Variants in PCSK5 observed in about 807,000 individuals in gnomAD.
PCSK5 encodes the protein proprotein convertase subtilisin/kexin type 5.
A neutral mutation model predicts 233.2 loss-of-function variants in PCSK5; 129 were observed. That is an observed-to-expected ratio of 0.55 (90% CI 0.48 to 0.64). The LOEUF is 0.64. PCSK5 is among the 30% of genes least tolerant of loss of function. The pLI is 0.00. For missense variants in PCSK5, 2,076 were observed against 2,430.1 expected (o/e 0.85, Z 3.06); for synonymous variants, 825 against 879.2 (o/e 0.94, Z 1.09).
intron 7 of PCSK5, 69 bp from the exon 8 acceptor site, chr9:76,095,821 C>T (rs904419845): frequency 1.7e-5 from 24 of 1,394,840 alleles, no homozygotes; most frequent in Non-Finnish European, 2.2e-5. Context: ...CAGTTTGGCT[C>T]AGTGGATTCT....
At chr9:76,314,070 C>G (rs937363041) in intron 30 of PCSK5, among the ~76,000 whole-genome samples, 31 of 152,340 alleles carry the variant, frequency 2.0e-4, no homozygotes, top group African/African-American at 7.5e-4. Flanking sequence ...TTTCAACTCT[C>G]TCTTGGATTC....
chr9:76,252,185 G>T (rs931900299), intron 24 of PCSK5, among the ~76,000 whole-genome samples: 1 of 152,110 alleles, frequency 6.6e-6, no homozygotes, highest in African/African-American at 2.4e-5. Context: ...GGAGAAAGGC[G>T]TGAACCTGGG....
At chr9:76,261,139 C>A (rs1037867911) in intron 24 of PCSK5, among the ~76,000 whole-genome samples, 4 of 152,052 alleles carry the variant, frequency 2.6e-5, no homozygotes, top group Non-Finnish European at 5.9e-5. Context: ...ATTAACAACA[C>A]TAAAGAGGTA....
intron 21 of PCSK5, among the ~76,000 whole-genome samples, chr9:76,229,735 T>C (rs891113228): frequency 2.6e-5 from 4 of 152,252 alleles, no homozygotes; most frequent in African/African-American, 9.6e-5. Flanking sequence ...ATGCTGTCTC[T>C]TTCATTACAG....
intron 1 of PCSK5, among the ~76,000 whole-genome samples, chr9:75,908,820 A>G (rs1822527895): frequency 6.6e-6 from 1 of 151,458 alleles, no homozygotes; most frequent in Admixed American, 6.6e-5. Flanking sequence ...CATGCCATCT[A>G]TCTATCTATC....
intron 24 of PCSK5, among the ~76,000 whole-genome samples, chr9:76,271,861 C>A (rs2131374084): frequency 6.6e-6 from 1 of 152,222 alleles, no homozygotes; most frequent in East Asian, 1.9e-4. Context: ...CTTTATCTTG[C>A]AGCTGCATAA....
chr9:76,295,370 A>G lies in PCSK5; in HGVS notation c.3281A>G (p.Gln1094Arg). Residue 1094 changes from glutamine (Q) to arginine (R), a missense_variant, in exon 26 of 38, where the codon CAG becomes CGG. Physicochemically the swap from Gln to Arg is conservative, Grantham distance 43. Around this residue, in one of 6 missense-constraint regions of PCSK5, gnomAD observed 1,510 missense variants for 1,538.1 expected, o/e 0.98. Coordinates refer to ENST00000674117, the MANE Select transcript of PCSK5 (RefSeq NM_001372043.1). Reference protein sequence around the residue: ...ACDSNCGSCDQNGCYWCEEGF... With the variant: ...ACDSNCGSCDRNGCYWCEEGF... ...GATAGTAACTGTGGCAGCTGTGACC[A>G]GAATGGGTGTTACTGGTGTGAAGAG... 6.2e-7 allele frequency: 1 copy of G among 1,612,558 alleles called. No individual in the cohort carries two copies. Among genetic ancestry groups the G allele is most frequent in the South Asian group, 1.1e-5 (1 of 91,050 alleles).
At chr9:76,151,295 A>G (rs1012072522) in intron 10 of PCSK5, among the ~76,000 whole-genome samples, 1 of 152,200 alleles carries the variant, frequency 6.6e-6, no homozygotes, top group Admixed American at 6.5e-5. Context: ...CCCACAGATC[A>G]AGCAGCCCTC....
intron 12 of PCSK5, 64 bp from the exon 13 acceptor site, chr9:76,169,640 G>T: frequency 6.6e-7 from 1 of 1,506,842 alleles, no homozygotes. Flanking sequence ...TGTCGATTGT[G>T]GTATTAACTA....
At chr9:75,936,050 T>A (rs1824041587) in intron 2 of PCSK5, among the ~76,000 whole-genome samples, 1 of 152,244 alleles carries the variant, frequency 6.6e-6, no homozygotes, top group Non-Finnish European at 1.5e-5. Flanking sequence ...ATAAAAGTTA[T>A]GTTCATACTA....
intron 12 of PCSK5, among the ~76,000 whole-genome samples, chr9:76,168,857 G>A (rs1276208277): frequency 6.6e-6 from 1 of 152,032 alleles, no homozygotes; most frequent in African/African-American, 2.4e-5. Flanking sequence ...AATTCCCCAT[G>A]CCTCTTTTCC....
At chr9:75,999,333 C>T (rs1827167258) in intron 3 of PCSK5, among the ~76,000 whole-genome samples, 1 of 151,774 alleles carries the variant, frequency 6.6e-6, no homozygotes, top group Non-Finnish European at 1.5e-5. Context: ...GAATTAAAGA[C>T]ACACACACAC....
intron 3 of PCSK5, among the ~76,000 whole-genome samples, chr9:76,019,260 CT>C (rs34354774): frequency 1.5e-4 from 22 of 149,142 alleles, no homozygotes; most frequent in South Asian, 4.2e-4. Flanking sequence ...AATATCAATT[CT>C]TTTTTTTTTT....
At chr9:76,016,183 A>G (rs1235764052) in intron 3 of PCSK5, among the ~76,000 whole-genome samples, 1 of 152,216 alleles carries the variant, frequency 6.6e-6, no homozygotes, top group Non-Finnish European at 1.5e-5. Flanking sequence ...CCAGAGGGCA[A>G]GTGGGGGATG....
intron 24 of PCSK5, among the ~76,000 whole-genome samples, chr9:76,271,146 T>TA (rs1358949513): frequency 6.6e-6 from 1 of 151,870 alleles, no homozygotes; most frequent in African/African-American, 2.4e-5. Context: ...TTCGTTGAAA[T>TA]AAAAAGGTAA....
intron 5 of PCSK5, among the ~76,000 whole-genome samples, chr9:76,053,560 C>T (rs528993742): frequency 3.3e-5 from 5 of 152,274 alleles, no homozygotes; most frequent in African/African-American, 4.8e-5. Context: ...ATCTCTCTCA[C>T]GTTCAAATTT....
intron 30 of PCSK5, among the ~76,000 whole-genome samples, chr9:76,316,478 C>T (rs1012524548): frequency 6.6e-6 from 1 of 151,752 alleles, no homozygotes; most frequent in Non-Finnish European, 1.5e-5. Flanking sequence ...AATCCCAGCA[C>T]TTTGGGATGC....
intron 2 of PCSK5, among the ~76,000 whole-genome samples, chr9:75,942,549 G>A (rs1050824233): frequency 1.3e-5 from 2 of 152,142 alleles, no homozygotes; most frequent in Non-Finnish European, 2.9e-5. Flanking sequence ...AAACATAACA[G>A]GCTCAGGTCT....
chr9:76,145,436 C>T (rs915150528), intron 10 of PCSK5, among the ~76,000 whole-genome samples: 1 of 152,100 alleles, frequency 6.6e-6, no homozygotes, highest in Admixed American at 6.6e-5. Context: ...TGAAGTCTTC[C>T]ATGATTATCG....
Sources: allele counts gnomAD v4.1 joint callset (sites outside exome capture counted in the v4.1 genomes callset), GRCh38; gene constraint gnomAD v4.1.1; regional missense constraint gnomAD v4.1.1; transcripts MANE v1.5; gene names NCBI Gene and HGNC (gene_info 2026-07-23, HGNC 2026-07-21).